The following KPNA6 variants were observed in gnomAD, a reference collection of about 807,000 sequenced individuals.
KPNA6 encodes the protein karyopherin subunit alpha 6.
In KPNA6, 9 loss-of-function variants were observed where a neutral mutation model predicts 72.0. The ratio of observed to expected loss-of-function variants is 0.13; its 90% confidence interval spans 0.08 to 0.22. The LOEUF (loss-of-function observed/expected upper bound fraction) is 0.22. Among genes scored for constraint, KPNA6 ranks in the 10% least tolerant of loss-of-function variants. The pLI is 1.00. For missense variants in KPNA6, 374 were observed against 655.7 expected (o/e 0.57, Z 4.69); for synonymous variants, 219 against 242.1 (o/e 0.90, Z 0.89).
chr1:32,147,430 G>T (rs1387642222), intron 1 of KPNA6, among the ~76,000 whole-genome samples: 1 of 151,824 alleles, frequency 6.6e-6, no homozygotes, highest in Non-Finnish European at 1.5e-5. Flanking sequence ...AGGTAGCTGG[G>T]ACCATAGGTG....
intron 1 of KPNA6, among the ~76,000 whole-genome samples, chr1:32,116,572 C>A (rs1051260371): frequency 6.6e-6 from 1 of 152,108 alleles, no homozygotes; most frequent in Admixed American, 6.6e-5. Context: ...GCAGAAGAAT[C>A]GCTTGAACCC....
chr1:32,143,900 A>G (rs139356092), intron 1 of KPNA6, among the ~76,000 whole-genome samples: 58 of 152,288 alleles, frequency 3.8e-4, no homozygotes, highest in African/African-American at 1.4e-3. Context: ...ATGTTGTAGC[A>G]TGTGTTAGAC....
rs549715370 is a variant in KPNA6 at position 32,166,776 on chromosome 1, A to G, written c.1117-393A>G. On this transcript the variant is annotated intron_variant, in intron 11 of 13. Coordinates refer to ENST00000373625, the MANE Select transcript of KPNA6 (RefSeq NM_012316.5). ...AACCATGTCTCTTCTAAAAATACAA[A>G]AAAAAAGAAAAATTAGCCGGGCGTG... is the stretch of plus-strand genomic sequence containing the variant. Among the ~76,000 whole-genome samples the G allele has an allele frequency of 6.4e-4, 97 of 150,592 alleles. 1 individual carries two copies. The highest frequency in any genetic ancestry group is 6.2e-3 in the Admixed American group (93 of 15,068).
At chr1:32,158,877 T>C (rs1642189516) in intron 5 of KPNA6, among the ~76,000 whole-genome samples, 3 of 152,226 alleles carry the variant, frequency 2.0e-5, no homozygotes, top group Non-Finnish European at 4.4e-5. Flanking sequence ...TATGATAGAC[T>C]GATCATTCAG....
intron 1 of KPNA6, among the ~76,000 whole-genome samples, chr1:32,117,502 C>T (rs1641349659): frequency 6.7e-6 from 1 of 149,366 alleles, no homozygotes; most frequent in Non-Finnish European, 1.5e-5. Context: ...AAAAAAAACA[C>T]ACATTGGCTG....
intron 1 of KPNA6, among the ~76,000 whole-genome samples, chr1:32,110,670 G>GTT: frequency 6.6e-6 from 1 of 152,164 alleles, no homozygotes; most frequent in African/African-American, 2.4e-5. Context: ...GCCGAGGCGG[G>GTT]TGGATCACCT....
intron 1 of KPNA6, among the ~76,000 whole-genome samples, chr1:32,117,145 G>C (rs1297506311): frequency 6.6e-6 from 1 of 151,704 alleles, no homozygotes; most frequent in Non-Finnish European, 1.5e-5. Flanking sequence ...GCTTAACATA[G>C]GATTGCCACA....
chr1:32,158,385 TG>T, intron 5 of KPNA6, 24 bp downstream of exon 5: 1 of 1,486,086 alleles, frequency 6.7e-7, no homozygotes, highest in Non-Finnish European at 9.4e-7. Flanking sequence ...GGAAGGGGTT[TG>T]TTTTGTCTTT....
At chr1:32,156,766 G>A in intron 2 of KPNA6, 87 bp from the exon 3 acceptor site, 1 of 996,196 alleles carries the variant, frequency 1.0e-6, no homozygotes, top group Non-Finnish European at 1.6e-6. Flanking sequence ...GTATATCCTT[G>A]TCAGTTATGC....
intron 1 of KPNA6, among the ~76,000 whole-genome samples, chr1:32,125,935 A>T (rs1641523727): frequency 7.0e-6 from 1 of 143,506 alleles, no homozygotes; most frequent in South Asian, 2.2e-4. Context: ...ATCTCATGTG[A>T]GGTTCAGATT....
intron 1 of KPNA6, among the ~76,000 whole-genome samples, chr1:32,131,003 A>C (rs547603621): frequency 3.3e-5 from 5 of 151,978 alleles, no homozygotes; most frequent in Non-Finnish European, 7.4e-5. Context: ...ACTATAAGAA[A>C]AAATAGTGGG....
rs758819110 is a variant in KPNA6, at chr1:32,172,621, G to A, written c.*1727G>A. 1.3e-5 allele frequency: 2 copies of A among 152,610 alleles called. No homozygotes were observed. Among genetic ancestry groups the A allele is most frequent in the Non-Finnish European group, 2.9e-5 (2 of 68,894 alleles). The allele number at this position is 152,610 out of a possible 1,614,324, so 9.5% of individuals were successfully genotyped here. A position where few individuals can be genotyped will look rare whatever the true frequency, so the allele number is the denominator to read the frequency against. On this transcript the variant is annotated 3_prime_UTR_variant, in exon 14 of 14. Coordinates refer to ENST00000373625, the MANE Select transcript of KPNA6 (RefSeq NM_012316.5). ...TGCCTCTTCTTTCTGTTTGAATTAC[G>A]GTAGTGCATTGCCTTAGTGGCTTGC... is the stretch of plus-strand genomic sequence containing the variant.
chr1:32,134,975 A>G (rs1273679938), intron 1 of KPNA6, among the ~76,000 whole-genome samples: 1 of 149,112 alleles, frequency 6.7e-6, no homozygotes, highest in African/African-American at 2.5e-5. Flanking sequence ...GCACAATCTC[A>G]GCTCACCACA....
intron 3 of KPNA6, 71 bp from the exon 4 acceptor site, chr1:32,157,275 A>G (rs1642162009): frequency 8.6e-7 from 1 of 1,159,716 alleles, no homozygotes. Context: ...ACAGGATGCC[A>G]AGCAGTATTA....
chr1:32,124,096 C>CT (rs1481642746), intron 1 of KPNA6, among the ~76,000 whole-genome samples: 1 of 150,376 alleles, frequency 6.6e-6, no homozygotes, highest in African/African-American at 2.5e-5. Flanking sequence ...AATTTTTAAC[C>CT]CAAAATTTTT....
chr1:32,108,244 C>CT, intron 1 of KPNA6, 110 bp downstream of exon 1: 5 of 1,503,226 alleles, frequency 3.3e-6, no homozygotes, highest in Non-Finnish European at 4.6e-6. Flanking sequence ...TCCCCTCTAG[C>CT]TAGGTCTGAG....
chr1:32,158,834 C>T (rs1448063197), intron 5 of KPNA6, among the ~76,000 whole-genome samples: 1 of 152,204 alleles, frequency 6.6e-6, no homozygotes, highest in African/African-American at 2.4e-5. Context: ...AGAATCTCTT[C>T]CTTAAAACAA....
At position 32,110,386 on chromosome 1, in the gene KPNA6, C is replaced by G. The variant is rs549942891; in HGVS notation, c.4+2252C>G. On this transcript the variant is annotated intron_variant, in intron 1 of 13. Transcript: ENST00000373625. Reference sequence around the variant, plus strand: ...GGCCTGGAATTGGATTTTTAAAGATCTGAGATTCTAAGGAAGCAGAAATTA... The same window carrying G: ...GGCCTGGAATTGGATTTTTAAAGATGTGAGATTCTAAGGAAGCAGAAATTA... 2.6e-5 allele frequency among the ~76,000 whole-genome samples: 4 copies of G among 152,166 alleles called. No individual in the cohort carries two copies. In the South Asian group the frequency reaches 8.3e-4, roughly 32 times the overall value.
At position 32,108,111 on chromosome 1, in the gene KPNA6, A is replaced by C. The variant is rs201697054; in HGVS notation, c.-20A>C. Reference sequence around the variant, plus strand: ...TGCCGCCGTTGCCTCCGCCGCCAAGAGTGAGCGAGCGGACCCGCGATGGGT... The same window carrying C: ...TGCCGCCGTTGCCTCCGCCGCCAAGCGTGAGCGAGCGGACCCGCGATGGGT... On this transcript the variant is annotated 5_prime_UTR_variant, in exon 1 of 14. Transcript: ENST00000373625. 40 of 1,613,886 alleles carry C rather than the reference A, an allele frequency of 2.5e-5. No homozygotes were observed. Among genetic ancestry groups the C allele is most frequent in the Non-Finnish European group, 2.9e-5 (34 of 1,179,950 alleles).
Sources: gnomAD v4.1 joint callset for allele counts (sites outside exome capture counted in the v4.1 genomes callset) on GRCh38, gnomAD v4.1.1 for gene constraint, MANE v1.5 for transcripts, NCBI Gene and HGNC (gene_info 2026-07-23, HGNC 2026-07-21) for gene names.